DNAH10: variants seen among roughly 807,000 people sequenced by gnomAD.
DNAH10 encodes the protein axonemal beta dynein heavy chain 10.
In DNAH10, 348 loss-of-function variants were observed where a neutral mutation model predicts 506.6. The observed-to-expected ratio is 0.69, with a 90% CI of 0.63 to 0.75. The LOEUF (loss-of-function observed/expected upper bound fraction) is 0.75, where lower values mean the gene tolerates loss of function less well. Ranked by LOEUF, DNAH10 falls within the 30% of genes least tolerant of loss-of-function variation. The pLI is 0.00. For synonymous variants in DNAH10, 2,059 were observed against 2,198.6 expected (o/e 0.94, Z 1.78); for missense variants, 5,179 against 5,787.1 (o/e 0.89, Z 3.41).
intron 42 of DNAH10, 60 bp from the exon 43 acceptor site, chr12:123,867,843 G>A: frequency 1.3e-6 from 2 of 1,533,342 alleles, no homozygotes; most frequent in Non-Finnish European, 1.8e-6. Context: ...ATTTATGACT[G>A]GAATGGACTC....
At position 123,928,337 on chromosome 12, in the gene DNAH10, G is replaced by T. The variant is rs1207872177; in HGVS notation, c.12106-50G>T. 6 of 1,542,908 alleles carry T rather than the reference G, an allele frequency of 3.9e-6. No homozygotes were observed. In the African/African-American group the frequency reaches 8.2e-5, roughly 21 times the overall value. ...TGGAGTGGGTCTCTGGAGAGCACGGGGTTGGGTTTGGATGCCAACCCCTCT... is the reference window on the plus strand; with the variant it reads ...TGGAGTGGGTCTCTGGAGAGCACGGTGTTGGGTTTGGATGCCAACCCCTCT... On this transcript the variant is annotated intron_variant, in intron 69 of 78. Transcript: ENST00000673944. The surrounding 1 kb of genome is among the most constrained non-coding windows in gnomAD (Gnocchi z 4.9).
At chr12:123,809,476 C>T (rs1020203082) in intron 19 of DNAH10, among the ~76,000 whole-genome samples, 1 of 151,942 alleles carries the variant, frequency 6.6e-6, no homozygotes, top group Admixed American at 6.6e-5. Context: ...TGAGACCCCC[C>T]CATCTCTACC....
intron 43 of DNAH10, among the ~76,000 whole-genome samples, chr12:123,869,260 A>G (rs1951930873): frequency 6.6e-6 from 1 of 152,106 alleles, no homozygotes; most frequent in Admixed American, 6.5e-5. Context: ...TCGAGCACCC[A>G]TACTTGCCCC....
Position 123,925,332 on chromosome 12 carries a change from ATAT to A in DNAH10, c.11921+130_11921+132del, listed in dbSNP as rs1954896850. On this transcript the variant is annotated intron_variant, in intron 68 of 78. Coordinates refer to ENST00000673944, the MANE Select transcript of DNAH10 (RefSeq NM_001372106.1). This position sits in a 1 kb window ranked among gnomAD's most constrained non-coding sequence, Gnocchi z 4.0. ...ACAGCTGTCGCCACCCTGCTGTACA[ATAT>A]TCGATAGCCGATATTCTAGAATTCT... 1 of 1,202,434 alleles carries A rather than the reference ATAT, an allele frequency of 8.3e-7. No homozygotes were observed. The allele number at this position is 1,202,434 out of a possible 1,614,324, so 74.5% of individuals were successfully genotyped here.
At chr12:123,804,761 G>A (rs1438861262) in intron 17 of DNAH10, 72 bp from the exon 18 acceptor site, 3 of 1,490,818 alleles carry the variant, frequency 2.0e-6, no homozygotes, top group Non-Finnish European at 2.8e-6. Flanking sequence ...CACAGCTCAT[G>A]TTTGGATTGC....
intron 26 of DNAH10, among the ~76,000 whole-genome samples, chr12:123,832,732 G>T (rs1354800975): frequency 1.3e-5 from 2 of 152,264 alleles, no homozygotes; most frequent in East Asian, 3.9e-4. Context: ...AAGCACAGGG[G>T]CAGAATCTCA....
At chr12:123,870,804 AG>A (rs1380253063) in intron 44 of DNAH10, among the ~76,000 whole-genome samples, 36 of 152,100 alleles carry the variant, frequency 2.4e-4, no homozygotes, top group African/African-American at 8.5e-4. Flanking sequence ...CAGTCCACAG[AG>A]CTGGCTGGGT....
chr12:123,873,960 C>A (rs1458455159), intron 46 of DNAH10, among the ~76,000 whole-genome samples: 1 of 152,120 alleles, frequency 6.6e-6, no homozygotes, highest in African/African-American at 2.4e-5. Flanking sequence ...CAGCCAGCAG[C>A]CTTTGAACTA....
intron 52 of DNAH10, among the ~76,000 whole-genome samples, chr12:123,891,846 A>G (rs971864302): frequency 6.6e-6 from 1 of 152,168 alleles, no homozygotes; most frequent in African/African-American, 2.4e-5. Flanking sequence ...CAGCAGAGGG[A>G]AAAAGTGCAT....
At chr12:123,889,346 T>G (rs1952875608) in intron 52 of DNAH10, among the ~76,000 whole-genome samples, 1 of 152,214 alleles carries the variant, frequency 6.6e-6, no homozygotes, top group Non-Finnish European at 1.5e-5. Context: ...TTTTGATCAT[T>G]GCGTTTTAAG....
intron 26 of DNAH10, among the ~76,000 whole-genome samples, chr12:123,831,798 C>T (rs371432575): frequency 5.3e-5 from 8 of 151,186 alleles, no homozygotes; most frequent in South Asian, 4.2e-4. Context: ...CCCAGCTACT[C>T]GGGAGGCTGA....
chr12:123,835,652 T>C, intron 28 of DNAH10, 124 bp downstream of exon 28: 4 of 1,376,106 alleles, frequency 2.9e-6, no homozygotes, highest in Non-Finnish European at 3.9e-6. Flanking sequence ...AGAGACAGGG[T>C]TTTGCTCTGT....
intron 41 of DNAH10, among the ~76,000 whole-genome samples, chr12:123,866,663 C>G (rs1173103961): frequency 1.3e-5 from 2 of 152,148 alleles, no homozygotes; most frequent in Non-Finnish European, 2.9e-5. Context: ...ATGTCTGAGG[C>G]TTTGTGTGGG....
intron 47 of DNAH10, among the ~76,000 whole-genome samples, chr12:123,876,986 C>T (rs968052789): frequency 6.6e-6 from 1 of 152,114 alleles, no homozygotes; most frequent in African/African-American, 2.4e-5. Flanking sequence ...ACACAAAATT[C>T]GTTATTATAG....
intron 25 of DNAH10, 138 bp downstream of exon 25, chr12:123,827,036 GAC>G: frequency 1.5e-6 from 1 of 682,614 alleles, no homozygotes; most frequent in South Asian, 2.3e-5. Flanking sequence ...ACATGGGCAC[GAC>G]ACAGTTCTAT....
At chr12:123,796,530 A>G in intron 12 of DNAH10, 126 bp from the exon 13 acceptor site, 1 of 792,400 alleles carries the variant, frequency 1.3e-6, no homozygotes, top group South Asian at 2.0e-5. Context: ...CAGTGAAAAC[A>G]CTATTCTGCA....
At chr12:123,932,174 T>TC (rs1300952518) in intron 76 of DNAH10, 66 bp downstream of exon 76, 3 of 1,583,992 alleles carry the variant, frequency 1.9e-6, no homozygotes, top group African/African-American at 1.3e-5. Context: ...TCAAACCACC[T>TC]CCCAATCCCC....
chr12:123,872,123 G>A (rs1383195798), intron 45 of DNAH10, among the ~76,000 whole-genome samples: 1 of 152,148 alleles, frequency 6.6e-6, no homozygotes, highest in African/African-American at 2.4e-5. Flanking sequence ...TTGGAGGCTG[G>A]CTGTCACATT....
chr12:123,867,830 A>T lies in DNAH10; in HGVS notation c.7303-73A>T, dbSNP rs954311221. 6 of 1,494,540 alleles carry T rather than the reference A, an allele frequency of 4.0e-6. No homozygotes were observed. The African/African-American group carries it at 8.4e-5, about 21-fold the overall frequency. 92.6% of individuals were successfully genotyped at this position (1,494,540 alleles called of 1,614,324 possible). ...CCATCGCTCTGGGACCTGGGATCCC[A>T]GGATTTATGACTGGAATGGACTCTG... On this transcript the variant is annotated intron_variant, in intron 42 of 78. Coordinates refer to ENST00000673944, the MANE Select transcript of DNAH10 (RefSeq NM_001372106.1).
Sources: allele counts gnomAD v4.1 joint callset (sites outside exome capture counted in the v4.1 genomes callset), GRCh38; gene constraint gnomAD v4.1.1; non-coding constraint Gnocchi (gnomAD v3.1); transcripts MANE v1.5; gene names NCBI Gene and HGNC (gene_info 2026-07-23, HGNC 2026-07-21).